MAN1A1: variants seen among roughly 807,000 people sequenced by gnomAD.
The protein encoded by MAN1A1 is mannosyl-oligosaccharide 1,2-alpha-mannosidase IA.
Under a neutral mutation model 70.8 loss-of-function variants are expected in MAN1A1, and 29 were observed. The observed-to-expected ratio is 0.41, with a 90% CI of 0.31 to 0.56. The LOEUF (loss-of-function observed/expected upper bound fraction) is 0.56. MAN1A1 is among the 20% of genes least tolerant of loss of function. MAN1A1 has a pLI of 0.29. For synonymous variants in MAN1A1, 349 were observed against 330.1 expected, an observed-to-expected ratio of 1.06 and a Z score of -0.62; for missense variants, 747 against 841.3, an observed-to-expected ratio of 0.89 and a Z score of 1.39.
chr6:119,324,219 TA>T (rs1224844547), intron 2 of MAN1A1, among the ~76,000 whole-genome samples: 1 of 152,244 alleles, frequency 6.6e-6, no homozygotes, highest in Non-Finnish European at 1.5e-5. Flanking sequence ...TGAAGACATT[TA>T]TGATGACTCA....
intron 2 of MAN1A1, among the ~76,000 whole-genome samples, chr6:119,319,057 T>A (rs1237546673): frequency 6.6e-6 from 1 of 152,212 alleles, no homozygotes; most frequent in Non-Finnish European, 1.5e-5. Flanking sequence ...ATATGGATTA[T>A]TTTTCAAAGC....
At chr6:119,350,471 A>C, upstream of MAN1A1, 1 of 966,314 alleles carries the variant, frequency 1.0e-6, no homozygotes, top group Non-Finnish European at 1.2e-6. Flanking sequence ...AAAAACAAAA[A>C]ACCGAAAAAA....
upstream of MAN1A1, chr6:119,350,472 AC>A: frequency 1.3e-5 from 13 of 967,234 alleles, no homozygotes; most frequent in Non-Finnish European, 1.6e-5. Context: ...AAAACAAAAA[AC>A]CGAAAAAACT....
At chr6:119,248,972 C>T (rs1775243699) in intron 5 of MAN1A1, among the ~76,000 whole-genome samples, 1 of 152,096 alleles carries the variant, frequency 6.6e-6, no homozygotes, top group African/African-American at 2.4e-5. Context: ...ATTATATGCA[C>T]ATAAATATCT....
chr6:119,292,544 A>T (rs973231253), intron 4 of MAN1A1, among the ~76,000 whole-genome samples: 11 of 152,034 alleles, frequency 7.2e-5, no homozygotes, highest in Non-Finnish European at 1.6e-4. Flanking sequence ...CAGAAAAAAA[A>T]GGAGGTATGT....
In MAN1A1 at chr6:119,349,167, C is replaced by G; in HGVS notation, c.-102G>C. On this transcript the variant is annotated 5_prime_UTR_variant, in exon 2 of 13. Transcript: ENST00000368468. ...GGGGCTGGGTCCTGCGTAGCCAGGC[C>G]GCCCGACCCCCTCGGCTGGGCTGCG... 2 of 1,228,870 alleles carry G rather than the reference C, an allele frequency of 1.6e-6. No individual in the cohort carries two copies. The highest frequency in any genetic ancestry group is 1.0e-6 in the Non-Finnish European group (1 of 986,814). The allele number at this position is 1,228,870 out of a possible 1,614,324, so 76.1% of individuals were successfully genotyped here.
chr6:119,186,379 G>A (rs1773292137), intron 11 of MAN1A1, among the ~76,000 whole-genome samples: 1 of 152,162 alleles, frequency 6.6e-6, no homozygotes, highest in Non-Finnish European at 1.5e-5. Context: ...GATGCAGGAA[G>A]TCTATCAGGG....
At chr6:119,217,168 T>C (rs538617094) in intron 6 of MAN1A1, among the ~76,000 whole-genome samples, 1 of 152,384 alleles carries the variant, frequency 6.6e-6, no homozygotes, top group East Asian at 1.9e-4. Context: ...TGGGCATTTA[T>C]CAAACTTTTA....
chr6:119,214,768 A>G (rs1774150495), intron 6 of MAN1A1, among the ~76,000 whole-genome samples: 1 of 152,156 alleles, frequency 6.6e-6, no homozygotes, highest in Non-Finnish European at 1.5e-5. Context: ...GGCCTCCCAA[A>G]GTGCTGAGAT....
chr6:119,272,720 C>T (rs1274079785), intron 5 of MAN1A1, among the ~76,000 whole-genome samples: 1 of 152,122 alleles, frequency 6.6e-6, no homozygotes, highest in Non-Finnish European at 1.5e-5. Context: ...TTTTGTACCA[C>T]ACTTTCGATT....
chr6:119,310,214 C>G (rs1253225697), intron 2 of MAN1A1, among the ~76,000 whole-genome samples: 1 of 152,218 alleles, frequency 6.6e-6, no homozygotes, highest in African/African-American at 2.4e-5. Context: ...GACTTCATAT[C>G]TTGCATATTT....
At chr6:119,192,639 T>TA (rs1773471176) in intron 9 of MAN1A1, among the ~76,000 whole-genome samples, 1 of 152,168 alleles carries the variant, frequency 6.6e-6, no homozygotes, top group Non-Finnish European at 1.5e-5. Context: ...AACACTTTAT[T>TA]AAAAAATTTC....
At chr6:119,275,643 T>C (rs1776040972) in intron 5 of MAN1A1, among the ~76,000 whole-genome samples, 1 of 152,026 alleles carries the variant, frequency 6.6e-6, no homozygotes, top group East Asian at 1.9e-4. Flanking sequence ...GGTTTCACCA[T>C]GTTGGCCAGG....
chr6:119,221,073 C>A lies in MAN1A1; in HGVS notation c.993-16191G>T, dbSNP rs575195586. ...CCGAAGCAAATTCTAAATGTATTATCAGCAGGTCAACAACAGTTACAAGCC... is the reference window on the plus strand; with the variant it reads ...CCGAAGCAAATTCTAAATGTATTATAAGCAGGTCAACAACAGTTACAAGCC... On this transcript the variant is annotated intron_variant, in intron 6 of 12. Transcript: ENST00000368468. 1.1e-4 allele frequency among the ~76,000 whole-genome samples: 17 copies of A among 150,958 alleles called. No individual in the cohort carries two copies. The East Asian group carries it at 3.3e-3, about 29-fold the overall frequency.
chr6:119,197,795 G>A (rs558815020), intron 8 of MAN1A1, among the ~76,000 whole-genome samples: 112 of 150,904 alleles, frequency 7.4e-4, no homozygotes, highest in African/African-American at 2.6e-3. Context: ...ATCCTGTTTT[G>A]TTTTTTGTTT....
chr6:119,275,972 G>A (rs1172225144), intron 5 of MAN1A1, among the ~76,000 whole-genome samples: 1 of 152,166 alleles, frequency 6.6e-6, no homozygotes, highest in Non-Finnish European at 1.5e-5. Context: ...TGGAGATGAC[G>A]TAATTACCCC....
intron 11 of MAN1A1, among the ~76,000 whole-genome samples, chr6:119,183,530 C>T (rs529356859): frequency 7.9e-5 from 12 of 152,022 alleles, no homozygotes; most frequent in Admixed American, 2.0e-4. Flanking sequence ...ACCCTATTTC[C>T]GGATATTTCT....
intron 2 of MAN1A1, among the ~76,000 whole-genome samples, chr6:119,345,198 GGC>G (rs68160128): frequency 0.51 from 75,707 of 147,166 alleles, 20,338 homozygotes; most frequent in African/African-American, 0.65. Flanking sequence ...TTGAGGGGGG[GGC>G]GGAGCGGGGG....
rs1562178978 is a variant in MAN1A1 at position 119,179,961 on chromosome 6, T to C, written c.1836-16A>G. 1 of 1,612,572 alleles carries C rather than the reference T, an allele frequency of 6.2e-7. No homozygotes were observed. The highest frequency in any genetic ancestry group is 1.3e-5 in the African/African-American group (1 of 74,818). On this transcript the variant is annotated splice_polypyrimidine_tract_variant and intron_variant, in intron 12 of 12. Transcript: ENST00000368468. The stretch of plus-strand genomic sequence containing the variant: ...GTACAAATATCTGGTGAGAGAAACA[T>C]AAGTATATGAGGCCCAAGACACTAG...
Sources: allele counts gnomAD v4.1 joint callset (sites outside exome capture counted in the v4.1 genomes callset), GRCh38; gene constraint gnomAD v4.1.1; transcripts MANE v1.5; gene names NCBI Gene and HGNC (gene_info 2026-07-23, HGNC 2026-07-21).